The following SPACA7 variants were observed in gnomAD, a reference collection of about 807,000 sequenced individuals.
SPACA7 encodes the protein sperm acrosome-associated protein 7.
In SPACA7, 19 loss-of-function variants were observed where a neutral mutation model predicts 26.3. The observed-to-expected ratio is 0.72, with a 90% CI of 0.50 to 1.06. The LOEUF (loss-of-function observed/expected upper bound fraction) is 1.06, where lower values mean the gene tolerates loss of function less well. Among genes scored for constraint, SPACA7 ranks in the 50% least tolerant of loss-of-function variants. The pLI is 0.00. For missense variants in SPACA7, 211 were observed against 229.9 expected, an observed-to-expected ratio of 0.92 and a Z score of 0.53; for synonymous variants, 84 against 84.5, an observed-to-expected ratio of 0.99 and a Z score of 0.04.
At chr13:112,398,527 A>G (rs1340670233) in intron 3 of SPACA7, among the ~76,000 whole-genome samples, 4 of 152,182 alleles carry the variant, frequency 2.6e-5, no homozygotes, top group African/African-American at 9.7e-5. Context: ...CTGAGAGAGC[A>G]GGGCAGTTAT....
At chr13:112,394,897 C>G (rs9577352) in intron 2 of SPACA7, among the ~76,000 whole-genome samples, 16,368 of 151,914 alleles carry the variant, frequency 0.11, 2,066 homozygotes, top group African/African-American at 0.3. Context: ...ACCAACTAAA[C>G]CTAGAAGGAA....
chr13:112,401,588 A>G (rs1885645690), intron 5 of SPACA7, among the ~76,000 whole-genome samples: 1 of 152,180 alleles, frequency 6.6e-6, no homozygotes, highest in African/African-American at 2.4e-5. Context: ...TTTCATGCAA[A>G]AAAAGTCAAT....
intron 5 of SPACA7, among the ~76,000 whole-genome samples, chr13:112,417,236 G>A (rs567158399): frequency 6.6e-6 from 1 of 151,882 alleles, no homozygotes; most frequent in Admixed American, 6.6e-5. Context: ...TAATGCTGCT[G>A]TTGTTTTCTT....
At chr13:112,387,750 T>C (rs1401619739) in intron 1 of SPACA7, among the ~76,000 whole-genome samples, 2 of 152,154 alleles carry the variant, frequency 1.3e-5, no homozygotes, top group Non-Finnish European at 2.9e-5. Flanking sequence ...AAAATCACCA[T>C]TTCCTGTTTT....
rs558555033 is a variant in SPACA7 at position 112,386,494 on chromosome 13, GT to G, written c.95-6521del. The stretch of plus-strand genomic sequence containing the variant: ...AGGAAAACAGAGTCTTTTTTTGTTT[GT>G]TTTTTGGTGTTTGTTTGCAAAACAG... On this transcript the variant is annotated intron_variant, in intron 1 of 6. Coordinates refer to ENST00000283550, the MANE Select transcript of SPACA7 (RefSeq NM_145248.5). Among the ~76,000 whole-genome samples the G allele has an allele frequency of 2.6e-4, 40 of 151,556 alleles. No homozygotes were observed. The South Asian group carries it at 8.5e-3, about 32-fold the overall frequency.
At chr13:112,433,834 AGCTACG>A (rs1668291014) in intron 6 of SPACA7, among the ~76,000 whole-genome samples, 1 of 152,162 alleles carries the variant, frequency 6.6e-6, no homozygotes, top group African/African-American at 2.4e-5. Context: ...CGGTCGTTCA[AGCTACG>A]GCCAATATCC....
intron 4 of SPACA7, among the ~76,000 whole-genome samples, chr13:112,399,444 A>G: frequency 6.6e-6 from 1 of 152,222 alleles, no homozygotes; most frequent in East Asian, 1.9e-4. Context: ...AGATGCCAAG[A>G]CAGGGAGGCA....
rs765350858 is a variant in SPACA7, at chr13:112,376,442, G to A, written c.57G>A (p.Trp19Ter). 34 of 1,613,696 alleles carry A rather than the reference G, an allele frequency of 2.1e-5. No individual in the cohort carries two copies. Among genetic ancestry groups the A allele is most frequent in the Non-Finnish European group, 2.7e-5 (32 of 1,179,850 alleles). Reference sequence around the variant, plus strand: ...GCTTTGTCCTCCTGCTGTGCTGTTGGCAAGAAACTGAGCTCCGGCCGAGAA... The same window carrying A: ...GCTTTGTCCTCCTGCTGTGCTGTTGACAAGAAACTGAGCTCCGGCCGAGAA... ...TLCFVLLLCC[W>*]QETELRPRTV... Residue 19 changes from tryptophan (W) to a stop codon, truncating the protein, a stop_gained, in exon 1 of 7, where the codon TGG becomes TGA. Transcript: ENST00000283550. LOFTEE classifies it high-confidence loss of function.
At chr13:112,399,532 G>A (rs529780146) in intron 4 of SPACA7, among the ~76,000 whole-genome samples, 41 of 152,356 alleles carry the variant, frequency 2.7e-4, no homozygotes, top group African/African-American at 7.7e-4. Flanking sequence ...GGTGCAGAGA[G>A]AGCCAGAGTG....
chr13:112,401,257 C>T, intron 5 of SPACA7, 93 bp downstream of exon 5: 2 of 881,572 alleles, frequency 2.3e-6, no homozygotes, highest in Non-Finnish European at 3.7e-6. Context: ...CGCCAGTATG[C>T]CTTGTTATGC....
intron 2 of SPACA7, among the ~76,000 whole-genome samples, chr13:112,396,026 C>G (rs1018829832): frequency 1.4e-5 from 2 of 143,022 alleles, no homozygotes; most frequent in Admixed American, 1.4e-4. Context: ...CCCCCCGCCT[C>G]TCTTTGGCCC....
At position 112,434,650 on chromosome 13, in the gene SPACA7, T is replaced by C. The variant is rs897135431; in HGVS notation, c.*101T>C. On this transcript the variant is annotated 3_prime_UTR_variant, in exon 7 of 7. Coordinates refer to ENST00000283550, the MANE Select transcript of SPACA7 (RefSeq NM_145248.5). ...CTTGTGTGCACACGCCCACGTTCTC[T>C]GAACCATTCCACATAAAGGAAAATC... is the stretch of plus-strand genomic sequence containing the variant. 1.1e-6 allele frequency: 1 copy of C among 919,368 alleles called. No individual in the cohort carries two copies. Among genetic ancestry groups the C allele is most frequent in the Non-Finnish European group, 1.7e-6 (1 of 586,008 alleles). The allele number at this position is 919,368 out of a possible 1,614,324, so 57.0% of individuals were successfully genotyped here. A position where few individuals can be genotyped will look rare whatever the true frequency, so the allele number is the denominator to read the frequency against.
At chr13:112,390,428 G>A (rs555868163) in intron 1 of SPACA7, among the ~76,000 whole-genome samples, 12 of 149,660 alleles carry the variant, frequency 8.0e-5, no homozygotes, top group African/African-American at 3.1e-4. Context: ...TCCTTTTCAT[G>A]GGCATGTGTT....
At chr13:112,383,879 C>G (rs1033210594) in intron 1 of SPACA7, among the ~76,000 whole-genome samples, 4 of 152,154 alleles carry the variant, frequency 2.6e-5, no homozygotes, top group African/African-American at 7.2e-5. Flanking sequence ...ATTTTTATTG[C>G]ACTTATGCAA....
chr13:112,432,391 A>T, intron 5 of SPACA7, 53 bp from the exon 6 acceptor site: 1 of 1,418,444 alleles, frequency 7.0e-7, no homozygotes, highest in South Asian at 1.2e-5. Context: ...AAGTGGAATC[A>T]TGCCTTAATT....
At chr13:112,396,525 C>A (rs1295946982) in intron 2 of SPACA7, among the ~76,000 whole-genome samples, 3 of 151,792 alleles carry the variant, frequency 2.0e-5, no homozygotes, top group Non-Finnish European at 2.9e-5. Context: ...TGAGGCTGGG[C>A]CATCCTTGGC....
chr13:112,407,059 A>C (rs1886032693), intron 5 of SPACA7, among the ~76,000 whole-genome samples: 1 of 152,240 alleles, frequency 6.6e-6, no homozygotes, highest in Non-Finnish European at 1.5e-5. Context: ...CAGGATTAAG[A>C]AACTCACTCA....
chr13:112,420,992 T>C (rs1307336479), intron 5 of SPACA7, among the ~76,000 whole-genome samples: 1 of 152,080 alleles, frequency 6.6e-6, no homozygotes, highest in African/African-American at 2.4e-5. Context: ...ATCTTTTACA[T>C]ATGAAGACAA....
At chr13:112,389,759 A>C (rs1884756267) in intron 1 of SPACA7, among the ~76,000 whole-genome samples, 2 of 152,264 alleles carry the variant, frequency 1.3e-5, no homozygotes, top group African/African-American at 4.8e-5. Context: ...CCGGCAACAC[A>C]GTAACACAAA....
Sources: allele counts gnomAD v4.1 joint callset (sites outside exome capture counted in the v4.1 genomes callset), GRCh38; gene constraint gnomAD v4.1.1; transcripts MANE v1.5; gene names NCBI Gene and HGNC (gene_info 2026-07-23, HGNC 2026-07-21).